The following PNPLA4 variants were observed in gnomAD, a reference collection of about 807,000 sequenced individuals.
PNPLA4 encodes patatin like domain 4, phospholipase and triacylglycerol lipase, also known as patatin-like phospholipase domain-containing protein 4.
A neutral mutation model predicts 18.3 loss-of-function variants in PNPLA4; 15 were observed. The ratio of observed to expected loss-of-function variants is 0.82; its 90% CI spans 0.55 to 1.26. The LOEUF is 1.26. Among genes scored for constraint, PNPLA4 ranks in the 50% most tolerant of loss-of-function variants. The probability of loss-of-function intolerance (pLI) is 0.00; values close to 1 mark genes in which losing one functional copy is unlikely to be tolerated. For missense variants in PNPLA4, 229 were observed against 196.8 expected, an observed-to-expected ratio of 1.16 and a Z score of -0.98; for synonymous variants, 88 against 85.6, an observed-to-expected ratio of 1.03 and a Z score of -0.16.
intron 2 of PNPLA4, 139 bp downstream of exon 2, chrX:7,925,801 G>T: frequency 2.1e-6 from 1 of 473,546 alleles, no homozygotes; most frequent in Non-Finnish European, 3.5e-6. Context: ...TACATCTTAA[G>T]AGAAAAGTCC....
chrX:7,911,754 G>A (rs1329332725), intron 5 of PNPLA4, among the ~76,000 whole-genome samples: 1 of 110,211 alleles, frequency 9.1e-6, no homozygotes, highest in Non-Finnish European at 1.9e-5. Context: ...ACTTTACTAG[G>A]TGGAAAAAAA....
chrX:7,914,385 T>C (rs1923971021), intron 4 of PNPLA4, among the ~76,000 whole-genome samples: 2 of 111,646 alleles, frequency 1.8e-5, no homozygotes, highest in South Asian at 7.6e-4. Context: ...ACCCTCTCAG[T>C]CCACCGGTAG....
At chrX:7,903,280 T>C (rs1923599094) in intron 5 of PNPLA4, among the ~76,000 whole-genome samples, 1 of 48,208 alleles carries the variant, frequency 2.1e-5, no homozygotes, top group African/African-American at 7.4e-5. Context: ...TTGTGTTTAT[T>C]TATTTATTTA....
At position 7,899,661 on chromosome X, in the gene PNPLA4, G is replaced by GAGAC. The variant is rs1923458541; in HGVS notation, c.*1024_*1025insGTCT. 1 of 102,494 alleles carries GAGAC rather than the reference G, an allele frequency of 9.8e-6. No individual in the cohort carries two copies. The highest frequency in any genetic ancestry group is 2.0e-5 in the Non-Finnish European group (1 of 49,944). 8.4% of individuals were successfully genotyped at this position (102,494 alleles called of 1,213,427 possible). On this transcript the variant is annotated 3_prime_UTR_variant, in exon 7 of 7. Coordinates refer to ENST00000381042, the MANE Select transcript of PNPLA4 (RefSeq NM_004650.3). Reference sequence around the variant, plus strand: ...AGAGAGAGAGAGAGAGAGAGAGAGAGAGAGAGAGAGAGAGAGAGAATGAAT... The same window carrying GAGAC: ...AGAGAGAGAGAGAGAGAGAGAGAGAGAGACAGAGAGAGAGAGAGAGAGAATGAAT...
Position 7,901,976 on chromosome X carries a change from C to T in PNPLA4, c.630+13G>A. On this transcript the variant is annotated intron_variant, in intron 6 of 6. Transcript: ENST00000381042. ...TCAGAACTCTTCAAATATCACTGAA[C>T]ATAATTACTCACCATGATATCCTGC... is the stretch of plus-strand genomic sequence containing the variant. The T allele has an allele frequency of 8.3e-7, 1 of 1,200,807 alleles. No homozygotes were observed. The highest frequency in any genetic ancestry group is 1.1e-6 in the Non-Finnish European group (1 of 888,277).
intron 2 of PNPLA4, among the ~76,000 whole-genome samples, chrX:7,922,358 C>G (rs1478471924): frequency 8.9e-6 from 1 of 112,204 alleles, no homozygotes; most frequent in African/African-American, 3.2e-5. Context: ...CTGAAAAATC[C>G]TTGAAGGCTC....
At chrX:7,905,247 C>T (rs1014247820) in intron 5 of PNPLA4, among the ~76,000 whole-genome samples, 1 of 112,598 alleles carries the variant, frequency 8.9e-6, no homozygotes, top group East Asian at 2.8e-4. Flanking sequence ...ATAAGGCTAC[C>T]CATTACACCT....
rs1348285214 is a variant in PNPLA4 at position 7,900,670 on chromosome X, T to C, written c.*16A>G. On this transcript the variant is annotated 3_prime_UTR_variant, in exon 7 of 7. Coordinates refer to ENST00000381042, the MANE Select transcript of PNPLA4 (RefSeq NM_004650.3). The stretch of plus-strand genomic sequence containing the variant: ...ACTATCTAAAACGTGTTTTGCATTA[T>C]AAACTTTTATGCATTTTATTCAAAC... 1.8e-6 allele frequency: 2 copies of C among 1,093,460 alleles called. No homozygotes were observed. The highest frequency in any genetic ancestry group is 2.5e-6 in the Non-Finnish European group (2 of 810,165). The allele number at this position is 1,093,460 out of a possible 1,213,427, so 90.1% of individuals were successfully genotyped here.
chrX:7,917,669 G>T (rs1360654566), intron 4 of PNPLA4, among the ~76,000 whole-genome samples: 1 of 111,937 alleles, frequency 8.9e-6, no homozygotes, highest in Non-Finnish European at 1.9e-5. Context: ...GTATTACTGT[G>T]TGAATTACTC....
chrX:7,905,823 A>T (rs1467096416), intron 5 of PNPLA4, among the ~76,000 whole-genome samples: 1 of 112,146 alleles, frequency 8.9e-6, no homozygotes, highest in Admixed American at 9.4e-5. Flanking sequence ...ATAAAATTTT[A>T]TTGGCACATG....
At chrX:7,922,301 T>C (rs780982975) in intron 2 of PNPLA4, among the ~76,000 whole-genome samples, 7 of 112,148 alleles carry the variant, frequency 6.2e-5, no homozygotes, top group Non-Finnish European at 1.1e-4. Flanking sequence ...TCCTAATCTT[T>C]TTTTGTTTTT....
At chrX:7,907,332 T>C (rs1923738313) in intron 5 of PNPLA4, among the ~76,000 whole-genome samples, 1 of 112,566 alleles carries the variant, frequency 8.9e-6, no homozygotes, top group Admixed American at 9.4e-5. Context: ...CCTACAGCTT[T>C]TCTTCTGATC....
intron 5 of PNPLA4, among the ~76,000 whole-genome samples, chrX:7,909,106 T>C (rs1297566831): frequency 8.9e-6 from 1 of 111,869 alleles, no homozygotes; most frequent in Non-Finnish European, 1.9e-5. Context: ...ATAGCAAAGA[T>C]AGAAACATTA....
Position 7,921,985 on chromosome X carries a change from C to A in PNPLA4, c.275+19G>T, listed in dbSNP as rs1226165044. The stretch of plus-strand genomic sequence containing the variant: ...CATTCTGTCTTCATGTACTTTTGGG[C>A]AAAATGTACTCTGTATACCTTAGTC... On this transcript the variant is annotated intron_variant, in intron 3 of 6. Coordinates refer to ENST00000381042, the MANE Select transcript of PNPLA4 (RefSeq NM_004650.3). 1 of 1,181,169 alleles carries A rather than the reference C, an allele frequency of 8.5e-7. No homozygotes were observed.
rs959904065 is a variant in PNPLA4 at position 7,898,912 on chromosome X, A to C, written c.*1774T>G. The stretch of plus-strand genomic sequence containing the variant: ...CAATTTAAGGGTACATCAACAAGGA[A>C]TTTATTGAAATACAGTGTATCATAC... On this transcript the variant is annotated 3_prime_UTR_variant, in exon 7 of 7. Transcript: ENST00000381042. 4.5e-5 allele frequency: 5 copies of C among 112,203 alleles called. No individual in the cohort carries two copies. The highest frequency in any genetic ancestry group is 9.4e-5 in the Non-Finnish European group (5 of 53,253). The allele number at this position is 112,203 out of a possible 1,213,427, so 9.2% of individuals were successfully genotyped here.
intron 2 of PNPLA4, among the ~76,000 whole-genome samples, chrX:7,923,200 A>G (rs1261565354): frequency 8.9e-6 from 1 of 112,228 alleles, no homozygotes; most frequent in Admixed American, 9.4e-5. Context: ...GATCCAGTTA[A>G]GGACCTTGAG....
rs1923458702 is a variant in PNPLA4 at position 7,899,661 on chromosome X, G to GAGAGAGAA, written c.*1024_*1025insTTCTCTCT. On this transcript the variant is annotated 3_prime_UTR_variant, in exon 7 of 7. Coordinates refer to ENST00000381042, the MANE Select transcript of PNPLA4 (RefSeq NM_004650.3). Reference sequence around the variant, plus strand: ...AGAGAGAGAGAGAGAGAGAGAGAGAGAGAGAGAGAGAGAGAGAGAATGAAT... The same window carrying GAGAGAGAA: ...AGAGAGAGAGAGAGAGAGAGAGAGAGAGAGAGAAAGAGAGAGAGAGAGAGAGAATGAAT... 9.8e-6 allele frequency: 1 copy of GAGAGAGAA among 102,494 alleles called. No individual in the cohort carries two copies. Among genetic ancestry groups the GAGAGAGAA allele is most frequent in the Non-Finnish European group, 2.0e-5 (1 of 49,944 alleles). 8.4% of individuals were successfully genotyped at this position (102,494 alleles called of 1,213,427 possible).
Position 7,902,022 on chromosome X carries a change from A to T in PNPLA4, c.597T>A (p.Asp199Glu). Reference protein sequence around the residue: ...DISPQDKGQLDLYVNIAKQDI... With the variant: ...DISPQDKGQLELYVNIAKQDI... ...CCTGCTTGGCGATATTAACATACAG[A>T]TCTAGCTGCCCTTTGTCCTGCGGGG... The change falls in exon 6 of 7, where the codon GAT becomes GAA. Residue 199 changes from aspartate to glutamate, a missense_variant. Coordinates refer to ENST00000381042, the MANE Select transcript of PNPLA4 (RefSeq NM_004650.3). 8.3e-7 allele frequency: 1 copy of T among 1,208,930 alleles called. No individual in the cohort carries two copies. The highest frequency in any genetic ancestry group is 1.1e-6 in the Non-Finnish European group (1 of 894,157).
chrX:7,903,039 C>CA (rs1408513124), intron 5 of PNPLA4, among the ~76,000 whole-genome samples: 4 of 111,337 alleles, frequency 3.6e-5, no homozygotes, highest in African/African-American at 9.8e-5. Context: ...AGATAATATA[C>CA]AAAAAAACAA....
Sources: gnomAD v4.1 joint callset for allele counts (sites outside exome capture counted in the v4.1 genomes callset) on GRCh38, gnomAD v4.1.1 for gene constraint, MANE v1.5 for transcripts, NCBI Gene and HGNC (gene_info 2026-07-23, HGNC 2026-07-21) for gene names.